Variants in PRKCQ observed in about 807,000 individuals in gnomAD.
PRKCQ encodes protein kinase C theta, also known as protein kinase C theta type.
A neutral mutation model predicts 91.2 loss-of-function variants in PRKCQ; 41 were observed. The ratio of observed to expected loss-of-function variants is 0.45; its 90% CI spans 0.35 to 0.58. The LOEUF is 0.58. Among genes scored for constraint, PRKCQ ranks in the 20% least tolerant of loss-of-function variants. The pLI is 0.00. For missense variants in PRKCQ, 673 were observed against 896.5 expected (o/e 0.75, Z 3.18); for synonymous variants, 307 against 316.9 (o/e 0.97, Z 0.33).
At chr10:6,413,979 T>G in the PRKCQ span, among the ~76,000 whole-genome samples, 1 of 152,158 alleles carries the variant, frequency 6.6e-6, no homozygotes, top group Non-Finnish European at 1.5e-5. Flanking sequence ...CCTGACGACA[T>G]TGGACATCAG....
At chr10:6,402,174 AAC>A in the PRKCQ span, among the ~76,000 whole-genome samples, 1 of 152,002 alleles carries the variant, frequency 6.6e-6, no homozygotes, top group Non-Finnish European at 1.5e-5. Flanking sequence ...CAGGGAGGGG[AAC>A]ATCACACACC....
intron 11 of PRKCQ, among the ~76,000 whole-genome samples, chr10:6,481,881 A>G (rs1297061893): frequency 6.6e-6 from 1 of 152,154 alleles, no homozygotes; most frequent in Non-Finnish European, 1.5e-5. Flanking sequence ...AAATTACCTA[A>G]AAGCCTATAT....
chr10:6,404,515 T>C, the PRKCQ span, among the ~76,000 whole-genome samples: 2 of 149,554 alleles, frequency 1.3e-5, no homozygotes, highest in South Asian at 2.2e-4. Context: ...CTGTCTCTCC[T>C]TCCTCCCTCC....
chr10:6,535,470 A>T (rs917032697), intron 1 of PRKCQ, among the ~76,000 whole-genome samples: 1 of 151,304 alleles, frequency 6.6e-6, no homozygotes, highest in South Asian at 2.1e-4. Context: ...GTATTAATAC[A>T]TTTTTTTTTC....
chr10:6,572,602 G>A (rs1320500724), intron 1 of PRKCQ, among the ~76,000 whole-genome samples: 2 of 152,166 alleles, frequency 1.3e-5, no homozygotes, highest in Non-Finnish European at 2.9e-5. Context: ...TCTATGGTGT[G>A]TATGTACATT....
Position 6,497,210 on chromosome 10 carries a change from TCTTA to T in PRKCQ, c.574+6_574+9del. The T allele has an allele frequency of 6.2e-7, 1 of 1,614,198 alleles. No homozygotes were observed. Among genetic ancestry groups the T allele is most frequent in the South Asian group, 1.1e-5 (1 of 91,086 alleles). ...AATGATGGTAATGCAACCAAAACCC[TCTTA>T]CTTACGTCGGCACTGGTAGCCCTGT... On this transcript the variant is annotated splice_donor_region_variant and intron_variant, in intron 6 of 17. Transcript: ENST00000263125. The surrounding 1 kb of genome is among the most constrained non-coding windows in gnomAD (Gnocchi z 4.5).
At chr10:6,575,622 T>A (rs982932394) in intron 1 of PRKCQ, among the ~76,000 whole-genome samples, 1 of 152,144 alleles carries the variant, frequency 6.6e-6, no homozygotes, top group African/African-American at 2.4e-5. Flanking sequence ...CAAGCTGGGA[T>A]AGGAAATAAA....
Position 6,430,820 on chromosome 10 carries a change from C to A in PRKCQ, c.1955G>T (p.Arg652Leu), listed in dbSNP as rs200308654. The change falls in exon 17 of 18, where the codon CGG becomes CTG. Residue 652 changes from arginine to leucine, a missense_variant. Arg to Leu is a moderately radical substitution (Grantham distance 102). Coordinates refer to ENST00000263125, the MANE Select transcript of PRKCQ (RefSeq NM_006257.5). The surrounding 1 kb of genome is among the most constrained non-coding windows in gnomAD (Gnocchi z 4.7). ...TGAGCGAGTCCTTACCACTTTCGGC[C>A]GGAACGGTGGGTCAATCTCCTTCCG... ...LERKEIDPPF[R>L]PKVKSPFDCS... is the part of the protein sequence containing the mutation. The A allele has an allele frequency of 6.2e-7, 1 of 1,613,872 alleles. No homozygotes were observed. Among genetic ancestry groups the A allele is most frequent in the Non-Finnish European group, 8.5e-7 (1 of 1,179,920 alleles).
At chr10:6,418,908 A>G in the PRKCQ span, among the ~76,000 whole-genome samples, 2 of 152,002 alleles carry the variant, frequency 1.3e-5, no homozygotes, top group Non-Finnish European at 2.9e-5. Flanking sequence ...TTACTCATCC[A>G]TCCATCTGTC....
At chr10:6,523,666 T>C (rs371238362) in intron 1 of PRKCQ, among the ~76,000 whole-genome samples, 2 of 152,138 alleles carry the variant, frequency 1.3e-5, no homozygotes, top group South Asian at 4.1e-4. Flanking sequence ...AGTGTTGAAG[T>C]TAAACCTTGA....
At chr10:6,406,312 A>G in the PRKCQ span, among the ~76,000 whole-genome samples, 150,263 of 151,716 alleles carry the variant, frequency 0.99, 74,422 homozygotes, top group East Asian at 1. Flanking sequence ...AAATAATCAA[A>G]CTACTTTTTT....
rs1833168687 is a variant in PRKCQ, at chr10:6,427,415, C to CTTG, written c.*789_*791dup. 2 of 152,170 alleles carry CTTG rather than the reference C, an allele frequency of 1.3e-5. No individual in the cohort carries two copies. The highest frequency in any genetic ancestry group is 2.9e-5 in the Non-Finnish European group (2 of 68,046). 9.4% of individuals were successfully genotyped at this position (152,170 alleles called of 1,614,324 possible). ...GAGACTTATGCACTTCATTTCTTTT[C>CTTG]TTGTTATAGTGTGAGAATGGCAGTG... On this transcript the variant is annotated 3_prime_UTR_variant, in exon 18 of 18. Coordinates refer to ENST00000263125, the MANE Select transcript of PRKCQ (RefSeq NM_006257.5).
At chr10:6,562,259 T>C (rs905039138) in intron 1 of PRKCQ, among the ~76,000 whole-genome samples, 10 of 152,176 alleles carry the variant, frequency 6.6e-5, no homozygotes, top group Non-Finnish European at 7.3e-5. Flanking sequence ...AGAAAACCAC[T>C]GTGGCCATCT....
At chr10:6,414,609 A>T in the PRKCQ span, among the ~76,000 whole-genome samples, 2 of 152,184 alleles carry the variant, frequency 1.3e-5, no homozygotes, top group African/African-American at 2.4e-5. Context: ...CTAGACATAA[A>T]ATATCTCTTA....
intron 1 of PRKCQ, among the ~76,000 whole-genome samples, chr10:6,570,151 C>T (rs1163762516): frequency 6.6e-6 from 1 of 152,016 alleles, no homozygotes; most frequent in African/African-American, 2.4e-5. Context: ...TGCAGGAAGT[C>T]AGGTAAGAGG....
intron 14 of PRKCQ, among the ~76,000 whole-genome samples, chr10:6,460,675 A>G (rs534075639): frequency 1.3e-5 from 2 of 152,236 alleles, no homozygotes; most frequent in Admixed American, 1.3e-4. Flanking sequence ...TATTTTTAGT[A>G]GAGACAGGAT....
At chr10:6,550,096 C>T (rs188936360) in intron 1 of PRKCQ, among the ~76,000 whole-genome samples, 39 of 152,258 alleles carry the variant, frequency 2.6e-4, no homozygotes, top group African/African-American at 8.9e-4. Context: ...CTGCAATCTC[C>T]GTTCTACTTC....
chr10:6,421,616 G>A, the PRKCQ span, among the ~76,000 whole-genome samples: 1 of 152,148 alleles, frequency 6.6e-6, no homozygotes, highest in Non-Finnish European at 1.5e-5. The surrounding 1 kb of genome is among the most constrained non-coding windows in gnomAD (Gnocchi z 4.1). Flanking sequence ...TCTGTTAGAC[G>A]GTGTCAGAAT....
chr10:6,418,993 ATCT>A, the PRKCQ span, among the ~76,000 whole-genome samples: 1 of 143,916 alleles, frequency 6.9e-6, no homozygotes, highest in Non-Finnish European at 1.5e-5. Flanking sequence ...CTATCTATCT[ATCT>A]ATCTATCTTG....
Sources: allele counts gnomAD v4.1 joint callset (sites outside exome capture counted in the v4.1 genomes callset), GRCh38; gene constraint gnomAD v4.1.1; non-coding constraint Gnocchi (gnomAD v3.1); transcripts MANE v1.5; gene names NCBI Gene and HGNC (gene_info 2026-07-23, HGNC 2026-07-21).